ABTB3: variants seen among roughly 807,000 people sequenced by gnomAD.
The protein encoded by ABTB3 is ankyrin repeat- and BTB/POZ domain-containing protein 3.
chr12:107,534,595 A>G, the ABTB3 span, among the ~76,000 whole-genome samples: 1 of 152,318 alleles, frequency 6.6e-6, no homozygotes, highest in East Asian at 1.9e-4. Context: ...AAAATCAGGG[A>G]CAAAAAAGGA....
the ABTB3 span, among the ~76,000 whole-genome samples, chr12:107,639,232 TTGAC>T: frequency 3.3e-5 from 5 of 152,272 alleles, no homozygotes; most frequent in Admixed American, 3.3e-4. Flanking sequence ...CACACACAGT[TTGAC>T]AGGGAGAAGC....
the ABTB3 span, among the ~76,000 whole-genome samples, chr12:107,341,762 G>A: frequency 2.5e-3 from 385 of 152,252 alleles, 1 homozygote; most frequent in African/African-American, 3.6e-3. Context: ...AGTGAGCCTG[G>A]TGGGAGGTGT....
the ABTB3 span, among the ~76,000 whole-genome samples, chr12:107,476,602 C>G: frequency 2.6e-5 from 4 of 151,980 alleles, no homozygotes; most frequent in Non-Finnish European, 4.4e-5. Context: ...ACACCTGACC[C>G]TGCAGGGAAG....
chr12:107,613,623 TAG>T, the ABTB3 span, among the ~76,000 whole-genome samples: 4 of 152,152 alleles, frequency 2.6e-5, no homozygotes, highest in Non-Finnish European at 5.9e-5. Flanking sequence ...AGAAGGGATA[TAG>T]AGAGTAGGTT....
At chr12:107,602,145 C>G in the ABTB3 span, among the ~76,000 whole-genome samples, 3 of 152,180 alleles carry the variant, frequency 2.0e-5, no homozygotes, top group African/African-American at 7.2e-5. Context: ...CCACGGCACC[C>G]TAAGGGTCTC....
the ABTB3 span, among the ~76,000 whole-genome samples, chr12:107,483,064 C>T: frequency 6.6e-6 from 1 of 151,094 alleles, no homozygotes; most frequent in East Asian, 2.0e-4. Flanking sequence ...CACTCTGTCA[C>T]CAGGCTGGAG....
At chr12:107,595,235 G>T in the ABTB3 span, among the ~76,000 whole-genome samples, 232 of 152,310 alleles carry the variant, frequency 1.5e-3, no homozygotes, top group African/African-American at 5.2e-3. Context: ...AAGGCGTTGG[G>T]CTGTGCAATC....
the ABTB3 span, among the ~76,000 whole-genome samples, chr12:107,636,397 G>GTTGGGGACTT: frequency 1.3e-5 from 2 of 152,190 alleles, no homozygotes; most frequent in Admixed American, 6.5e-5. Context: ...CCCTAGATAG[G>GTTGGGGACTT]TTGGGGACTT....
chr12:107,598,705 A>G, the ABTB3 span, among the ~76,000 whole-genome samples: 3 of 152,270 alleles, frequency 2.0e-5, no homozygotes, highest in African/African-American at 7.2e-5. Context: ...GAGTACCAGA[A>G]GACATGTAAT....
At chr12:107,648,909 G>T in the ABTB3 span, among the ~76,000 whole-genome samples, 1 of 150,710 alleles carries the variant, frequency 6.6e-6, no homozygotes, top group East Asian at 2.0e-4. Flanking sequence ...ATGAGGAGCA[G>T]CAGCTTAGGG....
At chr12:107,387,111 G>T in the ABTB3 span, among the ~76,000 whole-genome samples, 2 of 151,786 alleles carry the variant, frequency 1.3e-5, no homozygotes, top group Non-Finnish European at 2.9e-5. Context: ...CTGAGTAGCT[G>T]GGATTACAGG....
At chr12:107,631,725 C>T in the ABTB3 span, among the ~76,000 whole-genome samples, 33 of 152,120 alleles carry the variant, frequency 2.2e-4, no homozygotes, top group Non-Finnish European at 4.0e-4. Flanking sequence ...GTGGAATATG[C>T]CTGATGTTTT....
the ABTB3 span, among the ~76,000 whole-genome samples, chr12:107,380,354 A>C: frequency 1.3e-5 from 2 of 152,094 alleles, no homozygotes; most frequent in African/African-American, 4.8e-5. Context: ...TTTTCCTTCC[A>C]TGTAAACCAG....
the ABTB3 span, among the ~76,000 whole-genome samples, chr12:107,395,901 A>G: frequency 6.6e-6 from 1 of 152,234 alleles, no homozygotes; most frequent in Non-Finnish European, 1.5e-5. Flanking sequence ...GACCAGAGAT[A>G]CTCATAGTAT....
chr12:107,354,545 C>T, the ABTB3 span, among the ~76,000 whole-genome samples: 1 of 152,170 alleles, frequency 6.6e-6, no homozygotes, highest in African/African-American at 2.4e-5. Flanking sequence ...ATAATGTTTT[C>T]AAGATTCATC....
chr12:107,492,433 C>G, the ABTB3 span, among the ~76,000 whole-genome samples: 1 of 152,154 alleles, frequency 6.6e-6, no homozygotes, highest in Admixed American at 6.5e-5. Context: ...CAAGACCCCT[C>G]GGGAAGGCAG....
At chr12:107,610,034 A>C in the ABTB3 span, 3 of 819,596 alleles carry the variant, frequency 3.7e-6, no homozygotes, top group Non-Finnish European at 5.9e-6. Context: ...ACAAAGGATC[A>C]AGAGACATCC....
the ABTB3 span, among the ~76,000 whole-genome samples, chr12:107,588,653 T>C: frequency 3.7e-3 from 559 of 152,308 alleles, no homozygotes; most frequent in Non-Finnish European, 6.2e-3. Context: ...CCTGAGTAGC[T>C]GGGATTACAG....
the ABTB3 span, chr12:107,581,383 C>T: frequency 8.3e-7 from 1 of 1,198,640 alleles, no homozygotes; most frequent in Non-Finnish European, 1.1e-6. Flanking sequence ...AATCAGAGCC[C>T]CGCTGGGCGG....
Sources: allele counts gnomAD v4.1 joint callset (sites outside exome capture counted in the v4.1 genomes callset), GRCh38; gene constraint gnomAD v4.1.1; transcripts MANE v1.5; gene names NCBI Gene and HGNC (gene_info 2026-07-23, HGNC 2026-07-21).